ZFAND6: variants seen among roughly 807,000 people sequenced by gnomAD.
The protein encoded by ZFAND6 is AN1-type zinc finger protein 6.
Under a neutral mutation model 24.5 loss-of-function variants are expected in ZFAND6, and 12 were observed. The observed-to-expected ratio is 0.49, with a 90% CI of 0.31 to 0.79. ZFAND6 has a LOEUF of 0.79. Ranked by LOEUF, ZFAND6 falls within the 30% of genes least tolerant of loss-of-function variation. The pLI is 0.04. For synonymous variants in ZFAND6, 92 were observed against 81.5 expected, an observed-to-expected ratio of 1.13 and a Z score of -0.69; for missense variants, 207 against 245.9, an observed-to-expected ratio of 0.84 and a Z score of 1.06.
At chr15:80,077,206 G>T (rs16971714) in intron 1 of ZFAND6, among the ~76,000 whole-genome samples, 1 of 152,078 alleles carries the variant, frequency 6.6e-6, no homozygotes, top group Non-Finnish European at 1.5e-5. Context: ...TTCTGCATCC[G>T]GGTGTATAAA....
At chr15:80,102,117 T>C (rs1232172887) in intron 2 of ZFAND6, among the ~76,000 whole-genome samples, 1 of 151,640 alleles carries the variant, frequency 6.6e-6, no homozygotes, top group Non-Finnish European at 1.5e-5. Context: ...TTTAAACAAT[T>C]TATAAAATTT....
chr15:80,117,193 C>G (rs2039914880), intron 2 of ZFAND6, among the ~76,000 whole-genome samples: 1 of 151,792 alleles, frequency 6.6e-6, no homozygotes, highest in African/African-American at 2.4e-5. Flanking sequence ...GATGAGTGCA[C>G]TTTGTTCATT....
chr15:80,122,260 G>T (rs971762879), intron 4 of ZFAND6, among the ~76,000 whole-genome samples: 6 of 152,088 alleles, frequency 3.9e-5, no homozygotes, highest in African/African-American at 1.4e-4. Context: ...TCATTTAGAA[G>T]CCTGCATACA....
intron 1 of ZFAND6, among the ~76,000 whole-genome samples, chr15:80,096,779 G>GAAAGGTATAGCCC (rs1204085192): frequency 6.6e-6 from 1 of 152,076 alleles, no homozygotes; most frequent in Non-Finnish European, 1.5e-5. Flanking sequence ...ACATATAGGG[G>GAAAGGTATAGCCC]AAAGGTATAG....
rs1192307110 is a variant in ZFAND6 at position 80,066,334 on chromosome 15, A to C, written c.-181+6525A>C. ...TATCGAAACATAAAAAAAAAAAAAA[A>C]CGGAGTCTCACTCTGTTGCCCAGGC... On this transcript the variant is annotated intron_variant, in intron 1 of 6. Coordinates refer to ENST00000261749, the MANE Select transcript of ZFAND6 (RefSeq NM_019006.4). Among the ~76,000 whole-genome samples, 3 of 150,832 alleles carry C rather than the reference A, an allele frequency of 2.0e-5. No homozygotes were observed. The Admixed American group carries it at 2.0e-4, about 10-fold the overall frequency.
intron 4 of ZFAND6, among the ~76,000 whole-genome samples, chr15:80,122,023 T>A (rs948870943): frequency 6.6e-6 from 1 of 152,158 alleles, no homozygotes; most frequent in African/African-American, 2.4e-5. Flanking sequence ...AGTCTTAGAT[T>A]TCTTTTTCAG....
chr15:80,074,367 C>T (rs2037146843), intron 1 of ZFAND6, among the ~76,000 whole-genome samples: 1 of 151,736 alleles, frequency 6.6e-6, no homozygotes, highest in African/African-American at 2.4e-5. Context: ...GTTATTCAGG[C>T]TGGCTTTTCT....
At chr15:80,125,095 G>C (rs2040319972) in intron 5 of ZFAND6, among the ~76,000 whole-genome samples, 1 of 152,112 alleles carries the variant, frequency 6.6e-6, no homozygotes, top group Non-Finnish European at 1.5e-5. Flanking sequence ...AAAAGAGACA[G>C]AAAAAGTCTC....
intron 1 of ZFAND6, among the ~76,000 whole-genome samples, chr15:80,079,229 T>C (rs2037486958): frequency 6.6e-6 from 1 of 151,062 alleles, no homozygotes; most frequent in South Asian, 2.1e-4. Context: ...CTTTCTTTCC[T>C]TTTTTTTTGG....
At chr15:80,122,567 G>A (rs934446939) in intron 4 of ZFAND6, 133 bp from the exon 5 acceptor site, 2 of 595,060 alleles carry the variant, frequency 3.4e-6, no homozygotes, top group African/African-American at 1.9e-5. Flanking sequence ...TTATGTTTAA[G>A]TTATTAAAAA....
At chr15:80,084,021 C>G (rs2037841741) in intron 1 of ZFAND6, among the ~76,000 whole-genome samples, 1 of 152,110 alleles carries the variant, frequency 6.6e-6, no homozygotes, top group South Asian at 2.1e-4. Flanking sequence ...ATTTAAATAT[C>G]CTCTTAGGCA....
In ZFAND6 at chr15:80,103,652, A is replaced by G. The variant is rs537743494; in HGVS notation, c.-18+5074A>G. ...TTAATTGAAATCTTTTGCAGAAACC[A>G]GGTATGTGAAAACACCAAAAATGAA... On this transcript the variant is annotated intron_variant, in intron 2 of 6. Transcript: ENST00000261749. 2.0e-5 allele frequency among the ~76,000 whole-genome samples: 3 copies of G among 152,324 alleles called. No individual in the cohort carries two copies. The South Asian group carries it at 6.2e-4, about 32-fold the overall frequency.
chr15:80,117,972 C>T (rs1050980557), intron 2 of ZFAND6, among the ~76,000 whole-genome samples: 10 of 151,288 alleles, frequency 6.6e-5, no homozygotes, highest in African/African-American at 1.9e-4. Context: ...GAATCATTGA[C>T]GACTTAATAA....
At chr15:80,137,251 G>GA (rs1347725798) in intron 6 of ZFAND6, among the ~76,000 whole-genome samples, 1 of 152,174 alleles carries the variant, frequency 6.6e-6, no homozygotes, top group South Asian at 2.1e-4. Context: ...CACAGGTGAA[G>GA]AAACAAGCTC....
In ZFAND6 at chr15:80,121,815, G is replaced by T; in HGVS notation, c.258G>T (p.Gln86His). Reference protein sequence around the residue: ...SALDSTSSSMQPSPVSNQSLL... With the variant: ...SALDSTSSSMHPSPVSNQSLL... ...TAGACTCTACATCTTCATCTATGCA[G>T]CCCAGGTAAGATGTACTCTCTGAAT... The change falls in exon 4 of 7, where the codon CAG becomes CAT. Residue 86 changes from glutamine (Q) to histidine (H), a missense_variant. By Grantham distance (24) the Gln-to-His change is conservative (BLOSUM62 0). Transcript: ENST00000261749. 1 of 1,611,858 alleles carries T rather than the reference G, an allele frequency of 6.2e-7. No homozygotes were observed. Among genetic ancestry groups the T allele is most frequent in the Non-Finnish European group, 8.5e-7 (1 of 1,178,264 alleles).
chr15:80,100,468 A>G (rs1158402309), intron 2 of ZFAND6, among the ~76,000 whole-genome samples: 2 of 152,146 alleles, frequency 1.3e-5, no homozygotes. Flanking sequence ...AATTGGTCCC[A>G]AATTTCTTTT....
At chr15:80,060,110 G>T (rs2036241866) in intron 1 of ZFAND6, 1 of 152,086 alleles carries the variant, frequency 6.6e-6, no homozygotes, top group South Asian at 2.1e-4. Context: ...CGCTGGGGTC[G>T]GGAGCCTCAG....
At chr15:80,102,086 A>G (rs2039066794) in intron 2 of ZFAND6, among the ~76,000 whole-genome samples, 1 of 151,424 alleles carries the variant, frequency 6.6e-6, no homozygotes, top group Admixed American at 6.6e-5. Flanking sequence ...ATGAGCCACC[A>G]CGCCCGGCCA....
chr15:80,099,272 C>G (rs2038903623), intron 2 of ZFAND6, among the ~76,000 whole-genome samples: 2 of 152,006 alleles, frequency 1.3e-5, no homozygotes, highest in Non-Finnish European at 2.9e-5. Flanking sequence ...TACCCTCCTC[C>G]CCCCGACTTT....
Sources: allele counts gnomAD v4.1 joint callset (sites outside exome capture counted in the v4.1 genomes callset), GRCh38; gene constraint gnomAD v4.1.1; transcripts MANE v1.5; gene names NCBI Gene and HGNC (gene_info 2026-07-23, HGNC 2026-07-21).